Variants in IPO11 observed in about 807,000 individuals in gnomAD.
The protein encoded by IPO11 is importin 11.
IPO11 carries 66 observed loss-of-function variants against 143.2 expected under a neutral mutation model. The observed-to-expected ratio is 0.46, with a 90% CI of 0.38 to 0.57. IPO11 has a LOEUF of 0.57. Ranked by LOEUF, IPO11 falls within the 20% of genes least tolerant of loss-of-function variation. The pLI is 0.00. For synonymous variants in IPO11, 385 were observed against 377.8 expected, an observed-to-expected ratio of 1.02 and a Z score of -0.22; for missense variants, 1,026 against 1,141.0, an observed-to-expected ratio of 0.90 and a Z score of 1.45.
intron 28 of IPO11, among the ~76,000 whole-genome samples, chr5:62,596,436 T>C (rs1421605237): frequency 6.6e-6 from 1 of 152,130 alleles, no homozygotes; most frequent in Non-Finnish European, 1.5e-5. Flanking sequence ...GGAGGTCCAC[T>C]GGTGATTTCC....
At chr5:62,478,881 T>A (rs1345584204) in intron 9 of IPO11, among the ~76,000 whole-genome samples, 3 of 152,224 alleles carry the variant, frequency 2.0e-5, no homozygotes, top group Non-Finnish European at 4.4e-5. Context: ...AGTATTGTTC[T>A]GTATTGTATG....
intron 27 of IPO11, among the ~76,000 whole-genome samples, chr5:62,589,669 T>G (rs1374799574): frequency 6.6e-6 from 1 of 152,190 alleles, no homozygotes; most frequent in African/African-American, 2.4e-5. Context: ...TATGTGGTTC[T>G]TTTTACTGCC....
intron 1 of IPO11, chr5:62,419,058 A>C (rs1407701304): frequency 1.3e-6 from 2 of 1,551,290 alleles, no homozygotes; most frequent in African/African-American, 2.7e-5. Context: ...TATATAGCTT[A>C]TTGTATCTAG....
At chr5:62,499,540 A>G (rs1279274595) in intron 16 of IPO11, among the ~76,000 whole-genome samples, 1 of 151,534 alleles carries the variant, frequency 6.6e-6, no homozygotes, top group African/African-American at 2.4e-5. Flanking sequence ...TTCTTTCTTC[A>G]ACAATAAATT....
chr5:62,545,791 A>G (rs1243593226), intron 24 of IPO11, among the ~76,000 whole-genome samples: 1 of 152,240 alleles, frequency 6.6e-6, no homozygotes, highest in Non-Finnish European at 1.5e-5. Flanking sequence ...GGTGAAGGAT[A>G]TGAACAGACA....
chr5:62,529,806 G>A (rs32181), intron 21 of IPO11, among the ~76,000 whole-genome samples: 108,415 of 152,042 alleles, frequency 0.71, 39,382 homozygotes, highest in African/African-American at 0.85. Flanking sequence ...AATCAAAACA[G>A]TCCTTGTTTT....
chr5:62,574,768 T>C (rs1290767878), intron 27 of IPO11, among the ~76,000 whole-genome samples: 1 of 152,154 alleles, frequency 6.6e-6, no homozygotes, highest in Non-Finnish European at 1.5e-5. Context: ...AGAATGACTG[T>C]GTAACAGGAA....
chr5:62,464,303 A>T (rs1318756496), intron 5 of IPO11, among the ~76,000 whole-genome samples: 8 of 148,742 alleles, frequency 5.4e-5, no homozygotes, highest in Non-Finnish European at 1.2e-4. Flanking sequence ...ACCATGCCCA[A>T]CTAATTTTTG....
At chr5:62,553,846 G>A (rs1297136415) in intron 26 of IPO11, among the ~76,000 whole-genome samples, 4 of 152,030 alleles carry the variant, frequency 2.6e-5, no homozygotes, top group Non-Finnish European at 5.9e-5. Context: ...TCTGCCTCCC[G>A]GGTTCAAGTG....
chr5:62,551,844 G>T (rs1743398178), intron 26 of IPO11, among the ~76,000 whole-genome samples: 1 of 152,150 alleles, frequency 6.6e-6, no homozygotes, highest in Admixed American at 6.5e-5. Context: ...GACTATATAT[G>T]GCCAGGTGCG....
At chr5:62,502,813 CTTTTTCCT>C (rs1231218837) in intron 16 of IPO11, among the ~76,000 whole-genome samples, 3 of 151,714 alleles carry the variant, frequency 2.0e-5, no homozygotes, top group East Asian at 1.9e-4. Flanking sequence ...CTTTCCTTTC[CTTTTTCCT>C]TTTTTCCTTT....
chr5:62,591,412 T>C (rs1745006019), intron 27 of IPO11, among the ~76,000 whole-genome samples, 165 bp from the exon 28 acceptor site: 1 of 152,144 alleles, frequency 6.6e-6, no homozygotes, highest in African/African-American at 2.4e-5. Flanking sequence ...TGTGATGTTA[T>C]AGGCAAAGAT....
intron 29 of IPO11, among the ~76,000 whole-genome samples, chr5:62,620,896 G>GT (rs1554059287): frequency 6.6e-6 from 1 of 152,210 alleles, no homozygotes; most frequent in East Asian, 1.9e-4. Context: ...CAAACGGATG[G>GT]TGGGTGGCGG....
chr5:62,546,924 G>A (rs1743220047), intron 24 of IPO11, among the ~76,000 whole-genome samples: 1 of 152,090 alleles, frequency 6.6e-6, no homozygotes, highest in African/African-American at 2.4e-5. Context: ...AAAAGAGGAG[G>A]AGAGGGTGAA....
intron 14 of IPO11, among the ~76,000 whole-genome samples, 196 bp downstream of exon 14, chr5:62,489,545 G>GTGA (rs1746531461): frequency 6.6e-6 from 1 of 152,172 alleles, no homozygotes; most frequent in Non-Finnish European, 1.5e-5. Flanking sequence ...GCTAAAGTAG[G>GTGA]TGATGATCAC....
rs1741043552 is a variant in IPO11 at position 62,494,068 on chromosome 5, T to G, written c.1534T>G (p.Leu512Val). Residue 512 changes from leucine (L) to valine (V), a missense_variant, in exon 16 of 30, where the codon TTA (leucine) becomes GTA (valine). Coordinates refer to ENST00000325324, the MANE Select transcript of IPO11 (RefSeq NM_016338.5). ...GATTTCTGTGAAATTCAAGTCTGAC[T>G]TAAGACCCATGCTTTATGAAGCAAT... ...QWISVKFKSD[L>V]RPMLYEAICN... The G allele has an allele frequency of 6.2e-7, 1 of 1,613,534 alleles. No individual in the cohort carries two copies. Among genetic ancestry groups the G allele is most frequent in the Non-Finnish European group, 8.5e-7 (1 of 1,179,700 alleles).
At chr5:62,550,286 T>G in intron 24 of IPO11, 81 bp from the exon 25 acceptor site, 1 of 1,046,766 alleles carries the variant, frequency 9.6e-7, no homozygotes, top group Non-Finnish European at 1.5e-6. Flanking sequence ...ATACTTATTT[T>G]AGTACATTGT....
Position 62,627,276 on chromosome 5 carries a change from G to A in IPO11, c.2886G>A (p.Thr962=), listed in dbSNP as rs145143486. Residue 962 remains threonine, a synonymous_variant, in exon 30 of 30, where the codon ACG becomes ACA. Coordinates refer to ENST00000325324, the MANE Select transcript of IPO11 (RefSeq NM_016338.5). Reference sequence around the variant, plus strand: ...AGTCCCTCATGGAAACAGTGGATACGGAGATTGTCACCCAGCTACAGGAGT... The same window carrying A: ...AGTCCCTCATGGAAACAGTGGATACAGAGATTGTCACCCAGCTACAGGAGT... ...GFQSLMETVD[T]EIVTQLQEFL... is the part of the protein sequence containing the mutation. The A allele has an allele frequency of 6.0e-5, 97 of 1,613,870 alleles. No homozygotes were observed. The highest frequency in any genetic ancestry group is 4.7e-4 in the Admixed American group (28 of 59,992).
intron 27 of IPO11, among the ~76,000 whole-genome samples, chr5:62,590,112 T>G (rs759621569): frequency 1.3e-5 from 2 of 152,224 alleles, no homozygotes; most frequent in Non-Finnish European, 2.9e-5. Context: ...ACCATCTCAG[T>G]CTTTATTACT....
Sources: allele counts gnomAD v4.1 joint callset (sites outside exome capture counted in the v4.1 genomes callset), GRCh38; gene constraint gnomAD v4.1.1; transcripts MANE v1.5; gene names NCBI Gene and HGNC (gene_info 2026-07-23, HGNC 2026-07-21).